Variants in SNTG2 observed in about 807,000 individuals in gnomAD.
SNTG2 encodes gamma-2-syntrophin.
Under a neutral mutation model 70.9 loss-of-function variants are expected in SNTG2, and 74 were observed. The ratio of observed to expected loss-of-function variants is 1.04; its 90% CI spans 0.86 to 1.27. The LOEUF is 1.27. SNTG2 is among the 50% of genes most tolerant of loss of function. The pLI is 0.00. For missense variants in SNTG2, 717 were observed against 690.7 expected, an observed-to-expected ratio of 1.04 and a Z score of -0.43; for synonymous variants, 278 against 273.8, an observed-to-expected ratio of 1.02 and a Z score of -0.15.
At chr2:1,011,850 G>GTA (rs1659737455) in intron 1 of SNTG2, among the ~76,000 whole-genome samples, 1 of 152,162 alleles carries the variant, frequency 6.6e-6, no homozygotes, top group African/African-American at 2.4e-5. Context: ...ATGCGTATTA[G>GTA]TAATTGTAGA....
intron 16 of SNTG2, among the ~76,000 whole-genome samples, chr2:1,352,879 G>T (rs1406050387): frequency 6.6e-6 from 1 of 152,118 alleles, no homozygotes; most frequent in East Asian, 1.9e-4. Context: ...GACAAAGATG[G>T]TTTGGTGAAA....
intron 16 of SNTG2, among the ~76,000 whole-genome samples, chr2:1,341,952 C>A (rs1234296784): frequency 6.6e-6 from 1 of 151,494 alleles, no homozygotes; most frequent in Non-Finnish European, 1.5e-5. Context: ...CTCAAGCCAT[C>A]CTCCTACCTC....
intron 8 of SNTG2, among the ~76,000 whole-genome samples, chr2:1,208,284 C>T (rs1362576910): frequency 5.3e-5 from 4 of 75,354 alleles, no homozygotes; most frequent in African/African-American, 1.9e-4. Flanking sequence ...GTGGGGCACA[C>T]CTGTGAGTGT....
intron 13 of SNTG2, chr2:1,262,921 A>T (rs1431081389): frequency 6.6e-6 from 1 of 152,196 alleles, no homozygotes; most frequent in African/African-American, 2.4e-5. Flanking sequence ...CAGGGTTTCC[A>T]GTCGTATCAA....
intron 1 of SNTG2, among the ~76,000 whole-genome samples, chr2:965,072 C>A (rs976576028): frequency 3.5e-5 from 5 of 144,244 alleles, no homozygotes; most frequent in Non-Finnish European, 7.9e-5. Context: ...CCTCCTTAGT[C>A]CCCCAGTCCT....
In SNTG2 at chr2:1,217,632, A is replaced by G. The variant is rs972430352; in HGVS notation, c.719+8402A>G. ...ACCATGCGATCCTGACTACTGGCTT[A>G]TATAGACATTATGTAGTCTACATTT... is the stretch of plus-strand genomic sequence containing the variant. On this transcript the variant is annotated intron_variant, in intron 9 of 16. Transcript: ENST00000308624. Among the ~76,000 whole-genome samples, 188 of 152,342 alleles carry G rather than the reference A, an allele frequency of 1.2e-3. 3 individuals are homozygous for G. Among genetic ancestry groups the G allele is most frequent in the Non-Finnish European group, 1.3e-3 (88 of 68,034 alleles).
At chr2:1,083,040 T>A (rs1185716927) in intron 1 of SNTG2, among the ~76,000 whole-genome samples, 1 of 152,164 alleles carries the variant, frequency 6.6e-6, no homozygotes, top group African/African-American at 2.4e-5. Flanking sequence ...ACCTGCTCCC[T>A]TCTGAGAAGG....
At chr2:1,154,268 A>T (rs7579418) in intron 6 of SNTG2, among the ~76,000 whole-genome samples, 3 of 151,544 alleles carry the variant, frequency 2.0e-5, no homozygotes, top group Non-Finnish European at 4.4e-5. Context: ...CATCACATGC[A>T]GCTGAGGCGC....
At chr2:1,018,797 G>C (rs1659996311) in intron 1 of SNTG2, among the ~76,000 whole-genome samples, 1 of 152,170 alleles carries the variant, frequency 6.6e-6, no homozygotes, top group South Asian at 2.1e-4. Context: ...TGTTGGCAAA[G>C]GCCTGAGCAC....
At chr2:1,092,014 G>C (rs1665059400) in intron 2 of SNTG2, among the ~76,000 whole-genome samples, 1 of 152,172 alleles carries the variant, frequency 6.6e-6, no homozygotes, top group African/African-American at 2.4e-5. Context: ...GCCTTATAGA[G>C]TGTTTGCTAA....
At chr2:1,300,335 A>T (rs143002900) in intron 14 of SNTG2, among the ~76,000 whole-genome samples, 125 of 152,356 alleles carry the variant, frequency 8.2e-4, no homozygotes, top group Non-Finnish European at 1.3e-3. Flanking sequence ...TCGTTAGCTA[A>T]AGCGTTTTCT....
intron 1 of SNTG2, among the ~76,000 whole-genome samples, chr2:1,073,125 A>G (rs969322294): frequency 1.3e-5 from 2 of 152,254 alleles, no homozygotes; most frequent in Non-Finnish European, 2.9e-5. Flanking sequence ...CAGAGGATCT[A>G]GAATATTCCG....
intron 14 of SNTG2, among the ~76,000 whole-genome samples, chr2:1,299,023 C>T (rs992291754): frequency 6.6e-6 from 1 of 152,290 alleles, no homozygotes; most frequent in East Asian, 1.9e-4. Context: ...TATTGTGGGA[C>T]CCTGTGATTG....
At chr2:1,053,351 T>C (rs1238025633) in intron 1 of SNTG2, among the ~76,000 whole-genome samples, 1 of 152,210 alleles carries the variant, frequency 6.6e-6, no homozygotes, top group African/African-American at 2.4e-5. Flanking sequence ...GGCAAAAATA[T>C]CAATTTTACA....
At chr2:1,099,682 TGTG>T (rs1268973534) in intron 4 of SNTG2, among the ~76,000 whole-genome samples, 3 of 31,542 alleles carry the variant, frequency 9.5e-5, no homozygotes, top group African/African-American at 1.9e-4. Context: ...TGAGGGCAGT[TGTG>T]GTGAGGGCAG....
At chr2:1,046,228 T>A (rs1308511351) in intron 1 of SNTG2, among the ~76,000 whole-genome samples, 2 of 152,154 alleles carry the variant, frequency 1.3e-5, no homozygotes, top group African/African-American at 2.4e-5. Flanking sequence ...TCTTTCTCTA[T>A]TCATTTCCCC....
intron 4 of SNTG2, among the ~76,000 whole-genome samples, chr2:1,116,729 C>T (rs1357205929): frequency 2.2e-5 from 1 of 44,986 alleles, no homozygotes; most frequent in African/African-American, 8.9e-5. Context: ...CTGGTGTGTG[C>T]GTGCCCTGGT....
chr2:968,515 T>C (rs2147953692), intron 1 of SNTG2, among the ~76,000 whole-genome samples: 1 of 152,320 alleles, frequency 6.6e-6, no homozygotes, highest in Non-Finnish European at 1.5e-5. Flanking sequence ...TGCTTGCTTT[T>C]GGACTTATTT....
intron 13 of SNTG2, 91 bp from the exon 14 acceptor site, chr2:1,267,274 C>A: frequency 8.1e-7 from 1 of 1,238,284 alleles, no homozygotes; most frequent in Non-Finnish European, 1.1e-6. Context: ...TCCCAGATCA[C>A]GCAAACGCTG....
Sources: allele counts gnomAD v4.1 joint callset (sites outside exome capture counted in the v4.1 genomes callset), GRCh38; gene constraint gnomAD v4.1.1; transcripts MANE v1.5; gene names NCBI Gene and HGNC (gene_info 2026-07-23, HGNC 2026-07-21).